CDYL2: variants seen among roughly 807,000 people sequenced by gnomAD.
CDYL2 encodes chromodomain Y like 2.
CDYL2 carries 23 observed loss-of-function variants against 49.4 expected under a neutral mutation model. That is an observed-to-expected ratio of 0.47 (90% CI 0.34 to 0.66). The LOEUF is 0.66. Among genes scored for constraint, CDYL2 ranks in the 30% least tolerant of loss-of-function variants. The pLI, the probability that CDYL2 is intolerant of heterozygous loss-of-function variation, is 0.01. For missense variants in CDYL2, 678 were observed against 656.4 expected (o/e 1.03, Z -0.36); for synonymous variants, 360 against 268.8 (o/e 1.34, Z -3.32).
intron 1 of CDYL2, among the ~76,000 whole-genome samples, chr16:80,694,202 G>A (rs138319302): frequency 8.5e-4 from 129 of 152,274 alleles, no homozygotes; most frequent in Middle Eastern, 3.4e-3. Flanking sequence ...TCACAAGAGG[G>A]TTCGTACTCC....
intron 2 of CDYL2, among the ~76,000 whole-genome samples, chr16:80,653,068 A>T (rs1160934104): frequency 6.6e-6 from 1 of 152,222 alleles, no homozygotes; most frequent in Non-Finnish European, 1.5e-5. Context: ...CAACAAAAAA[A>T]ATCATACTAA....
intron 1 of CDYL2, among the ~76,000 whole-genome samples, chr16:80,697,945 A>C (rs1904282530): frequency 6.6e-6 from 1 of 152,238 alleles, no homozygotes; most frequent in Non-Finnish European, 1.5e-5. Context: ...GGATTGGAAG[A>C]ATATTGTTAA....
chr16:80,715,378 T>C (rs1459084417), intron 1 of CDYL2, among the ~76,000 whole-genome samples: 3 of 151,982 alleles, frequency 2.0e-5, no homozygotes, highest in Non-Finnish European at 4.4e-5. Flanking sequence ...CCCCAACTAA[T>C]CCAGTTATCC....
intron 1 of CDYL2, among the ~76,000 whole-genome samples, chr16:80,689,258 G>A (rs1408733921): frequency 6.6e-6 from 1 of 152,144 alleles, no homozygotes; most frequent in East Asian, 1.9e-4. Flanking sequence ...CAGGTGGCAG[G>A]CAGGGAAATG....
intron 1 of CDYL2, among the ~76,000 whole-genome samples, chr16:80,782,226 T>G (rs1004244619): frequency 3.3e-5 from 5 of 151,850 alleles, no homozygotes; most frequent in African/African-American, 1.2e-4. Flanking sequence ...CTATAAATAA[T>G]TGTACACCAA....
intron 2 of CDYL2, among the ~76,000 whole-genome samples, chr16:80,659,842 C>A (rs1908969658): frequency 1.3e-5 from 2 of 151,614 alleles, no homozygotes; most frequent in African/African-American, 4.8e-5. Context: ...TTGTAGAACT[C>A]AAAAAGAAAA....
At chr16:80,753,260 TAA>T (rs548372995) in intron 1 of CDYL2, among the ~76,000 whole-genome samples, 94 of 140,220 alleles carry the variant, frequency 6.7e-4, no homozygotes, top group African/African-American at 1.9e-3. Flanking sequence ...ATTCCCAACT[TAA>T]AAAAAAAAAA....
chr16:80,733,423 T>C (rs1016957063), intron 1 of CDYL2, among the ~76,000 whole-genome samples: 12 of 152,186 alleles, frequency 7.9e-5, no homozygotes, highest in Non-Finnish European at 1.6e-4. Flanking sequence ...TATACTAACA[T>C]TCCAAAAATG....
chr16:80,697,633 T>C (rs1301416514), intron 1 of CDYL2, among the ~76,000 whole-genome samples: 1 of 152,124 alleles, frequency 6.6e-6, no homozygotes, highest in Non-Finnish European at 1.5e-5. Context: ...AGTCAAATTA[T>C]CCTTGTTTGC....
chr16:80,662,617 T>C (rs1909093364), intron 2 of CDYL2: 3 of 409,868 alleles, frequency 7.3e-6, no homozygotes, highest in Non-Finnish European at 1.5e-5. Flanking sequence ...GCTTACAGTC[T>C]GATTCAGAAC....
chr16:80,746,206 C>T (rs957578449), intron 1 of CDYL2, among the ~76,000 whole-genome samples: 3 of 152,146 alleles, frequency 2.0e-5, no homozygotes, highest in African/African-American at 7.2e-5. Context: ...CCATGACAAT[C>T]CGCAAATGAT....
At chr16:80,782,909 C>A (rs8045198) in intron 1 of CDYL2, among the ~76,000 whole-genome samples, 13,207 of 151,950 alleles carry the variant, frequency 0.087, 712 homozygotes, top group African/African-American at 0.16. Flanking sequence ...AGGTAAAAGA[C>A]TGATAGCTTT....
chr16:80,661,901 G>C (rs1909060127), intron 2 of CDYL2, among the ~76,000 whole-genome samples: 1 of 152,160 alleles, frequency 6.6e-6, no homozygotes, highest in Non-Finnish European at 1.5e-5. Context: ...GCAGTGCCTA[G>C]AGGACACCGC....
At chr16:80,734,196 C>T (rs1177423999) in intron 1 of CDYL2, among the ~76,000 whole-genome samples, 2 of 152,096 alleles carry the variant, frequency 1.3e-5, no homozygotes, top group African/African-American at 4.8e-5. Context: ...AATAGAGTTA[C>T]CCAGAGACTT....
At chr16:80,644,421 C>G (rs570091803) in intron 2 of CDYL2, among the ~76,000 whole-genome samples, 2 of 152,344 alleles carry the variant, frequency 1.3e-5, no homozygotes, top group East Asian at 3.9e-4. Context: ...GTTCCAAAGT[C>G]ACTTCCACAT....
chr16:80,678,332 A>G (rs1909839333), intron 2 of CDYL2, among the ~76,000 whole-genome samples: 1 of 152,096 alleles, frequency 6.6e-6, no homozygotes, highest in African/African-American at 2.4e-5. Flanking sequence ...GCAACCCACA[A>G]AATGGGAGAA....
chr16:80,727,850 ACAC>A (rs1905214492), intron 1 of CDYL2, among the ~76,000 whole-genome samples: 1 of 152,166 alleles, frequency 6.6e-6, no homozygotes, highest in Non-Finnish European at 1.5e-5. Flanking sequence ...CTAACACCTC[ACAC>A]GGCCAGGTAC....
chr16:80,691,492 C>G lies in CDYL2; in HGVS notation c.25-6363G>C, dbSNP rs532868744. On this transcript the variant is annotated intron_variant, in intron 1 of 6. Transcript: ENST00000570137. ...ACCAAGCTAGATTCTGGGCAAGGGT[C>G]TGACTGGGGGACTCTGTGGCATCCA... 4.6e-5 allele frequency among the ~76,000 whole-genome samples: 7 copies of G among 152,320 alleles called. No homozygotes were observed. In the East Asian group the frequency reaches 1.2e-3, roughly 25 times the overall value.
chr16:80,775,256 T>A lies in CDYL2; in HGVS notation c.24+28894A>T, dbSNP rs1169492674. Among the ~76,000 whole-genome samples the A allele has an allele frequency of 2.0e-5, 3 of 151,788 alleles. No homozygotes were observed. The East Asian group carries it at 5.8e-4, about 29-fold the overall frequency. On this transcript the variant is annotated intron_variant, in intron 1 of 6. Coordinates refer to ENST00000570137, the MANE Select transcript of CDYL2 (RefSeq NM_152342.4). ...AGATATAAGTAAATTTATATTTAAATCTAAATAATTGTTCATTATTTAACT... is the reference window on the plus strand; with the variant it reads ...AGATATAAGTAAATTTATATTTAAAACTAAATAATTGTTCATTATTTAACT...
Sources: gnomAD v4.1 joint callset for allele counts (sites outside exome capture counted in the v4.1 genomes callset) on GRCh38, gnomAD v4.1.1 for gene constraint, MANE v1.5 for transcripts, NCBI Gene and HGNC (gene_info 2026-07-23, HGNC 2026-07-21) for gene names.